The following CNTNAP2 variants were observed in gnomAD, a reference collection of about 807,000 sequenced individuals.
CNTNAP2 encodes contactin associated protein 2, also known as contactin-associated protein-like 2.
CNTNAP2 carries 98 observed loss-of-function variants against 155.2 expected under a neutral mutation model. That is an observed-to-expected ratio of 0.63 (90% CI 0.54 to 0.75). The LOEUF (loss-of-function observed/expected upper bound fraction) is 0.75. Ranked by LOEUF, CNTNAP2 falls within the 30% of genes least tolerant of loss-of-function variation. CNTNAP2 has a pLI of 0.00. For missense variants in CNTNAP2, 1,727 were observed against 1,688.1 expected (o/e 1.02, Z -0.40); for synonymous variants, 651 against 631.2 (o/e 1.03, Z -0.47).
At chr7:146,478,577 T>C (rs1584943774) in intron 1 of CNTNAP2, among the ~76,000 whole-genome samples, 1 of 151,850 alleles carries the variant, frequency 6.6e-6, no homozygotes, top group African/African-American at 2.4e-5. Context: ...CATTGAGTCA[T>C]CTAAGTGTCA....
intron 1 of CNTNAP2, among the ~76,000 whole-genome samples, chr7:146,638,486 TTTTTTTTTTTTTC>T (rs1167551645): frequency 2.6e-5 from 3 of 115,946 alleles, no homozygotes; most frequent in African/African-American, 3.3e-5. Context: ...CTTTTTTTTT[TTTTTTTTTTTTTC>T]TTTGAGATGG....
intron 13 of CNTNAP2, among the ~76,000 whole-genome samples, chr7:147,697,219 T>C (rs185828471): frequency 6.6e-6 from 1 of 152,334 alleles, no homozygotes; most frequent in Non-Finnish European, 1.5e-5. Context: ...TTAGCATTTC[T>C]TTTTTGTTCT....
intron 10 of CNTNAP2, among the ~76,000 whole-genome samples, chr7:147,434,266 C>A (rs1299428564): frequency 6.6e-6 from 1 of 152,102 alleles, no homozygotes; most frequent in Admixed American, 6.5e-5. Context: ...ATGTTGATTT[C>A]TATTCTTCAG....
At chr7:146,490,967 G>A (rs947411924) in intron 1 of CNTNAP2, among the ~76,000 whole-genome samples, 1 of 151,936 alleles carries the variant, frequency 6.6e-6, no homozygotes, top group African/African-American at 2.4e-5. Flanking sequence ...GGAAAAATAT[G>A]CTATATGTAT....
intron 21 of CNTNAP2, among the ~76,000 whole-genome samples, chr7:148,341,417 A>T (rs1263409571): frequency 1.3e-5 from 2 of 152,214 alleles, no homozygotes; most frequent in Non-Finnish European, 2.9e-5. Context: ...TAATAGAACC[A>T]ATAATAGCAA....
chr7:146,884,555 A>G (rs1206477122), intron 3 of CNTNAP2, among the ~76,000 whole-genome samples: 6 of 152,084 alleles, frequency 3.9e-5, no homozygotes, highest in Admixed American at 3.9e-4. Flanking sequence ...ATGCTGTTCT[A>G]AGCATGGAGA....
At chr7:147,141,097 C>T (rs1228426633) in intron 8 of CNTNAP2, among the ~76,000 whole-genome samples, 1 of 152,124 alleles carries the variant, frequency 6.6e-6, no homozygotes, top group Non-Finnish European at 1.5e-5. Context: ...AAGTTAGGTC[C>T]TGCATTATTG....
intron 3 of CNTNAP2, among the ~76,000 whole-genome samples, chr7:146,876,664 C>A (rs571596577): frequency 6.6e-6 from 1 of 152,214 alleles, no homozygotes; most frequent in East Asian, 1.9e-4. Context: ...AACATGTATT[C>A]TCAAGTTGCA....
At chr7:147,645,270 G>A (rs1795348417) in intron 13 of CNTNAP2, among the ~76,000 whole-genome samples, 2 of 152,076 alleles carry the variant, frequency 1.3e-5, no homozygotes, top group South Asian at 4.1e-4. Flanking sequence ...CTAAACTTTG[G>A]TGCGGCTATC....
intron 15 of CNTNAP2, among the ~76,000 whole-genome samples, chr7:148,100,568 A>G (rs1462599655): frequency 1.3e-5 from 2 of 152,250 alleles, no homozygotes; most frequent in South Asian, 2.1e-4. Flanking sequence ...TACTATAATA[A>G]AATGGAGCTG....
At chr7:146,957,676 A>T (rs1797464658) in intron 3 of CNTNAP2, among the ~76,000 whole-genome samples, 1 of 152,186 alleles carries the variant, frequency 6.6e-6, no homozygotes, top group Non-Finnish European at 1.5e-5. Context: ...TTTGACAGTC[A>T]TTGAAAAAGA....
chr7:147,626,820 C>G (rs9886240), intron 12 of CNTNAP2, among the ~76,000 whole-genome samples: 13,617 of 152,092 alleles, frequency 0.09, 1,679 homozygotes, highest in African/African-American at 0.26. Flanking sequence ...AGTTCCTGAG[C>G]GTGTCCCTGT....
intron 1 of CNTNAP2, among the ~76,000 whole-genome samples, chr7:146,172,392 A>C (rs910199794): frequency 2.6e-5 from 4 of 152,120 alleles, no homozygotes; most frequent in African/African-American, 4.8e-5. Context: ...CCAGCCCAGC[A>C]TATCAATAGT....
At chr7:147,646,412 A>G (rs1795364510) in intron 13 of CNTNAP2, among the ~76,000 whole-genome samples, 2 of 152,208 alleles carry the variant, frequency 1.3e-5, no homozygotes, top group South Asian at 4.1e-4. Flanking sequence ...CTGACATCAA[A>G]AGATTAATGA....
rs189273655 is a variant in CNTNAP2, at chr7:146,952,949, T to C, written c.403-90958T>C. ...TATTTAAAGGAAATGCAAGCACATGTTTATTGTAAGTGACAGTCCTCTGAG... is the reference window on the plus strand; with the variant it reads ...TATTTAAAGGAAATGCAAGCACATGCTTATTGTAAGTGACAGTCCTCTGAG... On this transcript the variant is annotated intron_variant, in intron 3 of 23. Transcript: ENST00000361727. 5.8e-4 allele frequency among the ~76,000 whole-genome samples: 89 copies of C among 152,214 alleles called. 2 individuals carry two copies. The East Asian group carries it at 0.014, about 24-fold the overall frequency.
At chr7:147,226,973 T>G (rs1050224749) in intron 8 of CNTNAP2, among the ~76,000 whole-genome samples, 2 of 152,166 alleles carry the variant, frequency 1.3e-5, no homozygotes, top group African/African-American at 4.8e-5. Flanking sequence ...ATACAGACAA[T>G]TAATTGAACC....
At chr7:147,462,527 G>A (rs2116590603) in intron 10 of CNTNAP2, among the ~76,000 whole-genome samples, 1 of 152,150 alleles carries the variant, frequency 6.6e-6, no homozygotes, top group East Asian at 1.9e-4. Context: ...GTTCTCAAAT[G>A]GAGCCCTAAA....
At chr7:147,366,811 A>ACC (rs1554475325) in intron 9 of CNTNAP2, among the ~76,000 whole-genome samples, 43 of 88,922 alleles carry the variant, frequency 4.8e-4, no homozygotes, top group South Asian at 1.2e-3. Flanking sequence ...ACACACACAC[A>ACC]CCCCAATGTT....
chr7:147,729,274 T>C (rs1796696146), intron 13 of CNTNAP2, among the ~76,000 whole-genome samples: 1 of 151,860 alleles, frequency 6.6e-6, no homozygotes, highest in Non-Finnish European at 1.5e-5. Flanking sequence ...TAGCCTTATC[T>C]CACCTCAGGT....
Sources: gnomAD v4.1 joint callset for allele counts (sites outside exome capture counted in the v4.1 genomes callset) on GRCh38, gnomAD v4.1.1 for gene constraint, MANE v1.5 for transcripts, NCBI Gene and HGNC (gene_info 2026-07-23, HGNC 2026-07-21) for gene names.